Variants in AHI1 observed in about 807,000 individuals in gnomAD.
AHI1 encodes the protein jouberin.
AHI1 carries 123 observed loss-of-function variants against 149.3 expected under a neutral mutation model. The ratio of observed to expected loss-of-function variants is 0.82; its 90% CI spans 0.71 to 0.96. The LOEUF (loss-of-function observed/expected upper bound fraction) is 0.96. Ranked by LOEUF, AHI1 falls within the 40% of genes least tolerant of loss-of-function variation. The probability of loss-of-function intolerance (pLI) is 0.00; values close to 1 mark genes in which losing one functional copy is unlikely to be tolerated. For missense variants in AHI1, 1,439 were observed against 1,422.7 expected, an observed-to-expected ratio of 1.01 and a Z score of -0.18; for synonymous variants, 475 against 459.8, an observed-to-expected ratio of 1.03 and a Z score of -0.42.
At chr6:135,386,333 C>T (rs1193240062) in intron 23 of AHI1, among the ~76,000 whole-genome samples, 7 of 149,406 alleles carry the variant, frequency 4.7e-5, no homozygotes, top group Admixed American at 1.3e-4. Flanking sequence ...TTTTTTGAGA[C>T]GGAGTCTCGC....
chr6:135,375,957 A>G (rs1308491033), intron 23 of AHI1, among the ~76,000 whole-genome samples: 1 of 152,182 alleles, frequency 6.6e-6, no homozygotes, highest in East Asian at 1.9e-4. Flanking sequence ...ATCAAAGGAC[A>G]TAAGAGCAGG....
At chr6:135,364,903 C>G (rs1056904970) in intron 23 of AHI1, among the ~76,000 whole-genome samples, 1 of 150,216 alleles carries the variant, frequency 6.7e-6, no homozygotes, top group Non-Finnish European at 1.5e-5. Context: ...AGAGGGAGAC[C>G]GTGGGGAGAG....
chr6:135,333,753 C>T (rs1788949367), intron 24 of AHI1, among the ~76,000 whole-genome samples: 1 of 152,074 alleles, frequency 6.6e-6, no homozygotes, highest in Non-Finnish European at 1.5e-5. Context: ...GTTTCCAGTC[C>T]TGTGTAGGCC....
chr6:135,463,005 C>G, intron 8 of AHI1, 120 bp downstream of exon 8: 1 of 728,484 alleles, frequency 1.4e-6, no homozygotes, highest in Non-Finnish European at 2.1e-6. Context: ...AGAACAAGTA[C>G]CAAATATCCT....
chr6:135,440,241 T>C (rs1408930354), intron 14 of AHI1, among the ~76,000 whole-genome samples: 1 of 152,132 alleles, frequency 6.6e-6, no homozygotes, highest in Non-Finnish European at 1.5e-5. Flanking sequence ...CCTGCCTTTA[T>C]TTGACCTGGC....
chr6:135,478,865 G>C (rs776070602), intron 5 of AHI1, among the ~76,000 whole-genome samples: 1 of 152,248 alleles, frequency 6.6e-6, no homozygotes, highest in African/African-American at 2.4e-5. Flanking sequence ...GCTCTGTGCA[G>C]CCTTGAGACA....
intron 24 of AHI1, among the ~76,000 whole-genome samples, chr6:135,351,980 A>G (rs1301007559): frequency 6.6e-6 from 1 of 152,136 alleles, no homozygotes; most frequent in Admixed American, 6.5e-5. Context: ...CTTTTTAACT[A>G]CAACTTTTCC....
intron 26 of AHI1, among the ~76,000 whole-genome samples, chr6:135,308,036 GGGTGAC>G (rs1362453917): frequency 6.6e-6 from 1 of 152,174 alleles, no homozygotes; most frequent in African/African-American, 2.4e-5. Context: ...AGCAGAGTTA[GGGTGAC>G]GGAGAACTTC....
chr6:135,460,097 C>A (rs1278485686), intron 8 of AHI1, among the ~76,000 whole-genome samples: 1 of 151,968 alleles, frequency 6.6e-6, no homozygotes, highest in Admixed American at 6.6e-5. Context: ...GTGGGAAGAT[C>A]GCTTGAACCT....
At chr6:135,296,115 A>G (rs1326136208) in intron 27 of AHI1, among the ~76,000 whole-genome samples, 1 of 152,170 alleles carries the variant, frequency 6.6e-6, no homozygotes, top group Non-Finnish European at 1.5e-5. Context: ...TCGGCCTCCC[A>G]AAGTGCTAGG....
At chr6:135,286,701 G>A (rs560254776) in intron 28 of AHI1, among the ~76,000 whole-genome samples, 2 of 152,154 alleles carry the variant, frequency 1.3e-5, no homozygotes, top group South Asian at 2.1e-4. Flanking sequence ...ACACATGAGG[G>A]GCAAAAATTC....
Position 135,320,141 on chromosome 6 carries a change from T to TA in AHI1, c.3329-1526dup, listed in dbSNP as rs1271688603. 3.9e-5 allele frequency among the ~76,000 whole-genome samples: 6 copies of TA among 152,114 alleles called. No individual in the cohort carries two copies. In the South Asian group the frequency reaches 6.2e-4, roughly 16 times the overall value. On this transcript the variant is annotated intron_variant, in intron 25 of 28. Coordinates refer to ENST00000265602, the MANE Select transcript of AHI1 (RefSeq NM_001134831.2). The stretch of plus-strand genomic sequence containing the variant: ...AATTGAGTTTTTTGTTAAATTCAGG[T>TA]AAAAAAAGGATAAAAGGGAAAGGGA...
chr6:135,293,920 C>A (rs563614805), intron 27 of AHI1, among the ~76,000 whole-genome samples: 16 of 152,226 alleles, frequency 1.1e-4, no homozygotes, highest in African/African-American at 3.9e-4. Flanking sequence ...AATAGCCAAA[C>A]CAAATTTGAA....
chr6:135,356,168 C>T (rs1007319297), intron 24 of AHI1, among the ~76,000 whole-genome samples: 4 of 152,174 alleles, frequency 2.6e-5, no homozygotes, highest in Admixed American at 1.3e-4. Flanking sequence ...GGCCCACTCC[C>T]TTTCTGTTTT....
chr6:135,314,706 T>C (rs986240409), intron 26 of AHI1, among the ~76,000 whole-genome samples: 5 of 152,144 alleles, frequency 3.3e-5, no homozygotes, highest in Admixed American at 6.5e-5. Context: ...CATTCTCACA[T>C]AGTTCATGGT....
intron 22 of AHI1, among the ~76,000 whole-genome samples, chr6:135,395,620 T>C (rs1333253845): frequency 6.6e-6 from 1 of 151,926 alleles, no homozygotes; most frequent in African/African-American, 2.4e-5. Context: ...GAAATGTTTA[T>C]AGGCAAATTC....
intron 11 of AHI1, among the ~76,000 whole-genome samples, chr6:135,452,415 T>A (rs79042265): frequency 0.042 from 6,325 of 152,288 alleles, 377 homozygotes; most frequent in African/African-American, 0.13. Flanking sequence ...GACATCCTAG[T>A]CAGAGACACC....
At chr6:135,324,947 C>A (rs1314454935) in intron 24 of AHI1, among the ~76,000 whole-genome samples, 2 of 152,100 alleles carry the variant, frequency 1.3e-5, no homozygotes, top group Non-Finnish European at 2.9e-5. Context: ...GGCTCAAATG[C>A]AATGCCTATT....
chr6:135,414,037 A>G (rs1240654676), intron 20 of AHI1, among the ~76,000 whole-genome samples: 2 of 152,194 alleles, frequency 1.3e-5, no homozygotes, highest in Non-Finnish European at 2.9e-5. Context: ...TAGAACAGCC[A>G]AAACAACTTT....
Sources: allele counts gnomAD v4.1 joint callset (sites outside exome capture counted in the v4.1 genomes callset), GRCh38; gene constraint gnomAD v4.1.1; transcripts MANE v1.5; gene names NCBI Gene and HGNC (gene_info 2026-07-23, HGNC 2026-07-21).